Variants in ODR4 observed in about 807,000 individuals in gnomAD.
ODR4 encodes the protein odr-4 GPCR localization factor homolog, also known as protein odr-4 homolog.
Under a neutral mutation model 60.2 loss-of-function variants are expected in ODR4, and 47 were observed. The observed-to-expected ratio is 0.78, with a 90% CI of 0.62 to 1.00. ODR4 has a LOEUF of 1.00. Among genes scored for constraint, ODR4 ranks in the 50% least tolerant of loss-of-function variants. The pLI is 0.00. For synonymous variants in ODR4, 178 were observed against 175.5 expected (o/e 1.01, Z -0.11); for missense variants, 488 against 530.8 (o/e 0.92, Z 0.79).
intron 13 of ODR4, 142 bp from the exon 14 acceptor site, chr1:186,418,867 C>A: frequency 3.0e-6 from 2 of 672,632 alleles, no homozygotes; most frequent in Non-Finnish European, 5.3e-6. Flanking sequence ...TTAGTATATA[C>A]ATATGTATGT....
the ODR4 span, among the ~76,000 whole-genome samples, chr1:186,430,152 A>G: frequency 6.6e-6 from 1 of 152,018 alleles, no homozygotes; most frequent in Non-Finnish European, 1.5e-5. Context: ...ATTCATAAGG[A>G]CACATAGAGT....
At chr1:186,428,813 A>G in the ODR4 span, among the ~76,000 whole-genome samples, 2 of 152,208 alleles carry the variant, frequency 1.3e-5, no homozygotes, top group Non-Finnish European at 2.9e-5. Flanking sequence ...AAAGACAGGG[A>G]AATGACTGAT....
Position 186,416,855 on chromosome 1 carries a change from C to CAA in ODR4, c.1187-669_1187-668dup, listed in dbSNP as rs71104859. 6.1e-3 allele frequency among the ~76,000 whole-genome samples: 522 copies of CAA among 85,538 alleles called. 4 individuals are homozygous for CAA. Among genetic ancestry groups the CAA allele is most frequent in the African/African-American group, 9.7e-3 (195 of 20,126 alleles). 56.1% of individuals were successfully genotyped at this position (85,538 alleles called of 152,430 possible). A position where few individuals can be genotyped will look rare whatever the true frequency, so the allele number is the denominator to read the frequency against. ...TGGGTGACAGAGTAGGATTCTGTCT[C>CAA]AAAAAAAAAAAAAAAAAAAAAGTAA... is the stretch of plus-strand genomic sequence containing the variant. On this transcript the variant is annotated intron_variant, in intron 12 of 13. Coordinates refer to ENST00000287859, the MANE Select transcript of ODR4 (RefSeq NM_017847.6).
chr1:186,390,897 A>G (rs200057679), intron 7 of ODR4, 46 bp downstream of exon 7: 18 of 1,536,342 alleles, frequency 1.2e-5, no homozygotes, highest in Middle Eastern at 1.7e-4. Flanking sequence ...TGAGTGAACA[A>G]TCTGCTTTTA....
chr1:186,394,291 T>C (rs1456425298), intron 9 of ODR4, among the ~76,000 whole-genome samples: 1 of 152,144 alleles, frequency 6.6e-6, no homozygotes, highest in Non-Finnish European at 1.5e-5. Context: ...TATGTATGTG[T>C]ACATATTTTG....
chr1:186,433,688 C>A, the ODR4 span, among the ~76,000 whole-genome samples: 1 of 152,116 alleles, frequency 6.6e-6, no homozygotes, highest in Non-Finnish European at 1.5e-5. Flanking sequence ...TCAAGCGATT[C>A]TCTTGCCTCA....
downstream of ODR4, among the ~76,000 whole-genome samples, chr1:186,423,067 T>G (rs1237609944): frequency 2.0e-5 from 3 of 152,180 alleles, no homozygotes; most frequent in East Asian, 5.8e-4. Flanking sequence ...GCAATTTACT[T>G]AAATTGGCTC....
At chr1:186,381,135 A>G (rs1373742720) in intron 2 of ODR4, among the ~76,000 whole-genome samples, 2 of 152,130 alleles carry the variant, frequency 1.3e-5, no homozygotes, top group Non-Finnish European at 2.9e-5. Flanking sequence ...GGAGTTTTCT[A>G]TTTAAGTTTT....
At chr1:186,429,555 C>T in the ODR4 span, among the ~76,000 whole-genome samples, 3 of 152,100 alleles carry the variant, frequency 2.0e-5, no homozygotes, top group South Asian at 4.1e-4. Context: ...GACCCTTAAT[C>T]GCAGTCTGTC....
chr1:186,405,055 A>G (rs1314203405), intron 11 of ODR4, among the ~76,000 whole-genome samples: 4 of 152,174 alleles, frequency 2.6e-5, no homozygotes, highest in African/African-American at 9.6e-5. Context: ...AGAATGAGAT[A>G]TTTGTTATTT....
Position 186,398,963 on chromosome 1 carries a change from A to T in ODR4, c.919A>T (p.Arg307Trp). Residue 307 changes from arginine (R) to tryptophan (W), a missense_variant, in exon 11 of 14, where the codon AGG becomes TGG. Coordinates refer to ENST00000287859, the MANE Select transcript of ODR4 (RefSeq NM_017847.6). The stretch of plus-strand genomic sequence containing the variant: ...GTGTTTTTCCCTGTAGGCAGTAAAG[A>T]GGGATATATTGAACACAGTTGCTGA... ...KVKDAVQAVK[R>W]DILNTVADRC... 7 of 1,608,834 alleles carry T rather than the reference A, an allele frequency of 4.4e-6. No individual in the cohort carries two copies. The highest frequency in any genetic ancestry group is 5.9e-6 in the Non-Finnish European group (7 of 1,177,550).
chr1:186,399,287 C>A, intron 11 of ODR4: 1 of 492,258 alleles, frequency 2.0e-6, no homozygotes, highest in Non-Finnish European at 3.8e-6. Flanking sequence ...TCACCTGCAG[C>A]CTCAGCCTCT....
chr1:186,388,409 C>A, intron 4 of ODR4, 33 bp from the exon 5 acceptor site: 4 of 1,224,552 alleles, frequency 3.3e-6, no homozygotes, highest in Admixed American at 3.1e-5. Flanking sequence ...TTTCATTTTA[C>A]ATTCAATTAG....
chr1:186,432,788 T>C, the ODR4 span, among the ~76,000 whole-genome samples: 3 of 151,596 alleles, frequency 2.0e-5, no homozygotes, highest in African/African-American at 7.3e-5. Flanking sequence ...CTGGCAGATT[T>C]TTTTTTTTTT....
Position 186,419,970 on chromosome 1 carries a change from T to TA in ODR4, c.*895dup, listed in dbSNP as rs995133377. On this transcript the variant is annotated 3_prime_UTR_variant, in exon 14 of 14. Coordinates refer to ENST00000287859, the MANE Select transcript of ODR4 (RefSeq NM_017847.6). ...ACATAAAATACGTGCTTTCTCAGGT[T>TA]ACTGTATAACTGTTATAATATATTT... 1 of 152,236 alleles carries TA rather than the reference T, an allele frequency of 6.6e-6. No homozygotes were observed. 9.4% of individuals were successfully genotyped at this position (152,236 alleles called of 1,614,324 possible). A position where few individuals can be genotyped will look rare whatever the true frequency, so the allele number is the denominator to read the frequency against.
At chr1:186,431,797 G>A in the ODR4 span, among the ~76,000 whole-genome samples, 3 of 152,234 alleles carry the variant, frequency 2.0e-5, no homozygotes, top group Non-Finnish European at 4.4e-5. Context: ...TTGGATAAAA[G>A]GTTGAAAATA....
At chr1:186,401,544 TTTCTTTCTCC>T in intron 11 of ODR4, 1 of 180,198 alleles carries the variant, frequency 5.5e-6, no homozygotes, top group East Asian at 1.8e-4. Context: ...TCTCTTTCTC[TTTCTTTCTCC>T]TTCCTTCTTC....
Position 186,417,562 on chromosome 1 carries a change from T to C in ODR4, c.1205T>C (p.Met402Thr). Reference sequence around the variant, plus strand: ...CTTTCAGCTTGTATGAGTTCTTCTATGAATAGTCAAGCTTCATTGGACAAC... The same window carrying C: ...CTTTCAGCTTGTATGAGTTCTTCTACGAATAGTCAAGCTTCATTGGACAAC... ...ETNTACMSSS[M>T]NSQASLDNTD... The change falls in exon 13 of 14, where the codon ATG becomes ACG. Residue 402 changes from methionine (M) to threonine (T), a missense_variant. Physicochemically the swap from Met to Thr is moderately conservative, Grantham distance 81. Coordinates refer to ENST00000287859, the MANE Select transcript of ODR4 (RefSeq NM_017847.6). 2.5e-6 allele frequency: 4 copies of C among 1,589,084 alleles called. No homozygotes were observed. The highest frequency in any genetic ancestry group is 2.3e-5 in the East Asian group (1 of 44,412).
At chr1:186,411,554 T>C (rs550709431) in intron 12 of ODR4, among the ~76,000 whole-genome samples, 1 of 152,068 alleles carries the variant, frequency 6.6e-6, no homozygotes, top group East Asian at 1.9e-4. Context: ...AAATATATTT[T>C]AATCCTCTTT....
Sources: gnomAD v4.1 joint callset for allele counts (sites outside exome capture counted in the v4.1 genomes callset) on GRCh38, gnomAD v4.1.1 for gene constraint, MANE v1.5 for transcripts, NCBI Gene and HGNC (gene_info 2026-07-23, HGNC 2026-07-21) for gene names.